Variants in SCN1A observed in about 807,000 individuals in gnomAD.
SCN1A encodes sodium channel protein type 1 subunit alpha.
A neutral mutation model predicts 193.7 loss-of-function variants in SCN1A; 13 were observed. The ratio of observed to expected loss-of-function variants is 0.07; its 90% CI spans 0.04 to 0.11. The LOEUF is 0.11. Ranked by LOEUF, SCN1A falls within the 10% of genes least tolerant of loss-of-function variation. The pLI is 1.00. For missense variants in SCN1A, 1,432 were observed against 2,451.1 expected, an observed-to-expected ratio of 0.58 and a Z score of 8.78; for synonymous variants, 781 against 843.6, an observed-to-expected ratio of 0.93 and a Z score of 1.29.
intron 4 of SCN1A, chr2:166,060,122 A>G (rs1177449432): frequency 6.6e-6 from 1 of 152,150 alleles, no homozygotes; most frequent in Admixed American, 6.6e-5. Context: ...ACTTCATTTT[A>G]TAGAAGAATA....
intron 19 of SCN1A, among the ~76,000 whole-genome samples, chr2:166,026,130 AC>A (rs1231626351): frequency 1.3e-5 from 2 of 152,048 alleles, no homozygotes; most frequent in African/African-American, 4.8e-5. Flanking sequence ...TATTCCATGA[AC>A]CCTTGAAAAT....
At chr2:166,031,998 C>A (rs1695623039) in intron 19 of SCN1A, among the ~76,000 whole-genome samples, 1 of 151,928 alleles carries the variant, frequency 6.6e-6, no homozygotes, top group Admixed American at 6.6e-5. Context: ...AAACAGTGGG[C>A]ACTTGTAATT....
chr2:166,096,010 A>G (rs190313630), intron 2 of SCN1A, among the ~76,000 whole-genome samples: 10 of 152,350 alleles, frequency 6.6e-5, no homozygotes, highest in Middle Eastern at 3.4e-3. Flanking sequence ...GATTTATTCT[A>G]AAGTTTTCAA....
chr2:166,025,692 A>G (rs77884769), intron 19 of SCN1A, among the ~76,000 whole-genome samples: 1 of 152,024 alleles, frequency 6.6e-6, no homozygotes, highest in South Asian at 2.1e-4. Flanking sequence ...TTTTTTTCCT[A>G]AGAACCATAA....
At position 166,011,552 on chromosome 2, in the gene SCN1A, C is replaced by T. The variant is rs910203702; in HGVS notation, c.3879+557G>A. Among the ~76,000 whole-genome samples, 5 of 151,286 alleles carry T rather than the reference C, an allele frequency of 3.3e-5. No homozygotes were observed. The East Asian group carries it at 9.7e-4, about 29-fold the overall frequency. On this transcript the variant is annotated intron_variant, in intron 22 of 28. Coordinates refer to ENST00000674923, the MANE Select transcript of SCN1A (RefSeq NM_001165963.4). ...CCCTACACTCTACATACCTTACTTC[C>T]TATAATGAAGTCATAATCCATATAA...
At chr2:166,068,029 A>T (rs1684032974) in intron 4 of SCN1A, among the ~76,000 whole-genome samples, 1 of 152,026 alleles carries the variant, frequency 6.6e-6, no homozygotes. Flanking sequence ...AGGCTGTAGG[A>T]TGTTAGTTTA....
chr2:166,041,891 G>A (rs1184255936), intron 15 of SCN1A, among the ~76,000 whole-genome samples: 1 of 152,136 alleles, frequency 6.6e-6, no homozygotes. Flanking sequence ...TTTTTAGCTT[G>A]TTTTTATTTT....
At chr2:166,121,024 T>C (rs1357114680) in intron 2 of SCN1A, among the ~76,000 whole-genome samples, 1 of 151,032 alleles carries the variant, frequency 6.6e-6, no homozygotes, top group Non-Finnish European at 1.5e-5. Flanking sequence ...AGTTTACTCT[T>C]AACTAAAAGG....
At chr2:166,020,507 G>T (rs1480048883) in intron 19 of SCN1A, among the ~76,000 whole-genome samples, 3 of 152,070 alleles carry the variant, frequency 2.0e-5, no homozygotes, top group Non-Finnish European at 4.4e-5. Flanking sequence ...CCAGCTGAAT[G>T]GTATGCTTAT....
intron 5 of SCN1A, 135 bp from the exon 6 acceptor site, chr2:166,056,635 TCTC>T (rs1699169692): frequency 1.5e-6 from 1 of 674,834 alleles, no homozygotes; most frequent in South Asian, 1.7e-5. Context: ...AGTCTTCTAA[TCTC>T]CTTACATTTC....
At chr2:165,985,181 A>G (rs908222874), downstream of SCN1A, 3 of 152,114 alleles carry the variant, frequency 2.0e-5, no homozygotes, top group Non-Finnish European at 4.4e-5. Context: ...GAAGAGAAGT[A>G]GAACAAGTCA....
At chr2:166,057,522 A>G (rs1216033887) in intron 5 of SCN1A, among the ~76,000 whole-genome samples, 2 of 152,016 alleles carry the variant, frequency 1.3e-5, no homozygotes, top group Non-Finnish European at 1.5e-5. Flanking sequence ...CAAAACAAAA[A>G]TTTTCCATAA....
intron 19 of SCN1A, 136 bp from the exon 20 acceptor site, chr2:166,015,863 G>A: frequency 1.1e-6 from 1 of 891,754 alleles, no homozygotes; most frequent in Non-Finnish European, 1.8e-6. Flanking sequence ...AAGAGAGATT[G>A]AATAAGGGGA....
rs777631884 is a variant in SCN1A at position 166,054,680 on chromosome 2, C to T, written c.560G>A (p.Arg187Gln). Residue 187 changes from arginine (R) to glutamine (Q), a missense_variant, in exon 7 of 29, where the codon CGG (arginine) becomes CAG (glutamine). Arg to Gln is a conservative substitution (Grantham distance 43). Transcript: ENST00000674923. Reference protein sequence around the residue: ...GFCLEDFTFLRDPWNWLDFTV... With the variant: ...GFCLEDFTFLQDPWNWLDFTV... Reference sequence around the variant, plus strand: ...GAAATCGAGCCAGTTCCATGGATCCCGAAGGAAAGTAAAATCTTCTAAACA... The same window carrying T: ...GAAATCGAGCCAGTTCCATGGATCCTGAAGGAAAGTAAAATCTTCTAAACA... The T allele has an allele frequency of 2.7e-5, 43 of 1,611,944 alleles. No individual in the cohort carries two copies. The highest frequency in any genetic ancestry group is 1.6e-4 in the Middle Eastern group (1 of 6,066).
intron 4 of SCN1A, among the ~76,000 whole-genome samples, chr2:166,068,395 T>C (rs990305972): frequency 1.3e-5 from 2 of 152,186 alleles, no homozygotes; most frequent in African/African-American, 4.8e-5. Flanking sequence ...AAATAGTGCA[T>C]AGGGAAGAGA....
intron 3 of SCN1A, chr2:166,077,056 T>G (rs1184144715): frequency 6.6e-6 from 1 of 151,960 alleles, no homozygotes; most frequent in African/African-American, 2.4e-5. Context: ...GGTGATATTC[T>G]CAGTGCTATA....
intron 26 of SCN1A, chr2:165,996,421 T>C (rs1573975904): frequency 7.5e-6 from 2 of 266,818 alleles, no homozygotes; most frequent in Non-Finnish European, 7.2e-6. Flanking sequence ...TTTGGTTCAC[T>C]GAGATAATAA....
At chr2:166,030,469 C>CTTTTATAATTATAAAAAAAA (rs1483097466) in intron 19 of SCN1A, among the ~76,000 whole-genome samples, 1 of 143,332 alleles carries the variant, frequency 7.0e-6, no homozygotes, top group East Asian at 1.9e-4. Context: ...AAATGTATTT[C>CTTTTATAATTATAAAAAAAA]TTTTATAATT....
At position 166,095,760 on chromosome 2, in the gene SCN1A, T is replaced by C. The variant is rs182313271; in HGVS notation, c.-141-17959A>G. On this transcript the variant is annotated intron_variant, in intron 2 of 28. Transcript: ENST00000674923. ...TCCTAAAGGTTTCAAGGTTATTCTG[T>C]TTCCTATTTATACATTCCTCAGAGC... 5.3e-4 allele frequency among the ~76,000 whole-genome samples: 80 copies of C among 152,324 alleles called. No homozygotes were observed. In the East Asian group the frequency reaches 0.01, roughly 20 times the overall value.
Sources: allele counts gnomAD v4.1 joint callset (sites outside exome capture counted in the v4.1 genomes callset), GRCh38; gene constraint gnomAD v4.1.1; transcripts MANE v1.5; gene names NCBI Gene and HGNC (gene_info 2026-07-23, HGNC 2026-07-21).